Variants in NCOA2 observed in about 807,000 individuals in gnomAD.
NCOA2 encodes the protein class E basic helix-loop-helix protein 75.
In NCOA2, 21 loss-of-function variants were observed where a neutral mutation model predicts 145.1. That is an observed-to-expected ratio of 0.14 (90% CI 0.10 to 0.21). The LOEUF is 0.21. Among genes scored for constraint, NCOA2 ranks in the 10% least tolerant of loss-of-function variants. The pLI, the probability that NCOA2 is intolerant of heterozygous loss-of-function variation, is 1.00. For missense variants in NCOA2, 1,472 were observed against 1,837.6 expected, an observed-to-expected ratio of 0.80 and a Z score of 3.64; for synonymous variants, 619 against 637.5, an observed-to-expected ratio of 0.97 and a Z score of 0.44.
At chr8:70,296,882 C>A (rs539738008) in intron 1 of NCOA2, 82 bp from the exon 2 acceptor site, 32 of 152,184 alleles carry the variant, frequency 2.1e-4, no homozygotes, top group African/African-American at 7.5e-4. Context: ...TTTTTATAAC[C>A]GATTTTCAAA....
At chr8:70,385,931 C>T (rs183326355) in intron 1 of NCOA2, among the ~76,000 whole-genome samples, 106 of 152,256 alleles carry the variant, frequency 7.0e-4, no homozygotes, top group African/African-American at 2.5e-3. Context: ...TTGTGGTACA[C>T]AAAACACACA....
chr8:70,212,769 T>A (rs1258931689), intron 4 of NCOA2, among the ~76,000 whole-genome samples: 1 of 152,010 alleles, frequency 6.6e-6, no homozygotes, highest in Non-Finnish European at 1.5e-5. Flanking sequence ...AAATTTGAAC[T>A]CTAAGAGGAT....
At chr8:70,377,653 T>C (rs1013850405) in intron 1 of NCOA2, among the ~76,000 whole-genome samples, 6 of 152,178 alleles carry the variant, frequency 3.9e-5, no homozygotes, top group Admixed American at 1.3e-4. Context: ...ATTCCAGGCA[T>C]TGAATTAAAA....
chr8:70,400,767 A>C lies in NCOA2; in HGVS notation c.-77+2933T>G, dbSNP rs138534046. Reference sequence around the variant, plus strand: ...TTGGGAATTCTCATGGTAAATTTGAAAACACTATATTACAACAGAACACAT... The same window carrying C: ...TTGGGAATTCTCATGGTAAATTTGACAACACTATATTACAACAGAACACAT... On this transcript the variant is annotated intron_variant, in intron 1 of 22. Transcript: ENST00000452400. 1.0e-3 allele frequency among the ~76,000 whole-genome samples: 155 copies of C among 152,310 alleles called. 4 individuals carry two copies. The highest frequency in any genetic ancestry group is 8.0e-3 in the Admixed American group (123 of 15,298).
intron 22 of NCOA2, among the ~76,000 whole-genome samples, chr8:70,117,038 G>A (rs1444349839): frequency 2.0e-5 from 3 of 152,248 alleles, no homozygotes; most frequent in Non-Finnish European, 4.4e-5. Context: ...TTGCTGGGAA[G>A]AGAGAACATC....
intron 4 of NCOA2, among the ~76,000 whole-genome samples, chr8:70,202,296 A>C (rs1170216138): frequency 1.3e-5 from 2 of 152,188 alleles, no homozygotes; most frequent in East Asian, 3.9e-4. Context: ...TGAAAATTTA[A>C]ATGCAGAATT....
intron 1 of NCOA2, among the ~76,000 whole-genome samples, chr8:70,400,892 C>T (rs1362357101): frequency 6.6e-6 from 1 of 152,180 alleles, no homozygotes; most frequent in Non-Finnish European, 1.5e-5. Context: ...AGAAAAGATA[C>T]ACATTTTCCA....
intron 1 of NCOA2, among the ~76,000 whole-genome samples, chr8:70,324,909 A>C (rs1370052985): frequency 6.6e-6 from 1 of 152,228 alleles, no homozygotes; most frequent in Non-Finnish European, 1.5e-5. Flanking sequence ...TTTGAAAAAT[A>C]GAAAAAAAGC....
intron 1 of NCOA2, among the ~76,000 whole-genome samples, chr8:70,306,889 A>G (rs141972183): frequency 6.6e-6 from 1 of 152,280 alleles, no homozygotes; most frequent in Non-Finnish European, 1.5e-5. Context: ...TTAAAAATCC[A>G]TTTTACAGAT....
chr8:70,238,274 T>C (rs1455256165), intron 2 of NCOA2, among the ~76,000 whole-genome samples: 1 of 152,204 alleles, frequency 6.6e-6, no homozygotes, highest in East Asian at 1.9e-4. Context: ...TGACAAAATA[T>C]GCAGTTTAAA....
intron 2 of NCOA2, among the ~76,000 whole-genome samples, chr8:70,250,392 CAAAAAAAAAA>C (rs34008376): frequency 1.2e-3 from 58 of 49,636 alleles, no homozygotes; most frequent in South Asian, 5.6e-3. Flanking sequence ...GACCCTGTCT[CAAAAAAAAAA>C]AAAAAAAAAA....
At chr8:70,225,038 A>G (rs1172173625) in intron 2 of NCOA2, among the ~76,000 whole-genome samples, 10 of 152,150 alleles carry the variant, frequency 6.6e-5, no homozygotes, top group African/African-American at 2.4e-4. Context: ...AGCGGCAGCA[A>G]GAGGACATGA....
At chr8:70,314,678 T>C (rs1040131921) in intron 1 of NCOA2, among the ~76,000 whole-genome samples, 1 of 152,216 alleles carries the variant, frequency 6.6e-6, no homozygotes, top group Non-Finnish European at 1.5e-5. Flanking sequence ...ATGAAAAGGA[T>C]TGTTATTTAA....
chr8:70,449,330 A>G, the NCOA2 span, among the ~76,000 whole-genome samples: 2 of 152,344 alleles, frequency 1.3e-5, no homozygotes, highest in East Asian at 1.9e-4. Context: ...TTTGGGCACT[A>G]TGAGCATTTA....
the NCOA2 span, among the ~76,000 whole-genome samples, chr8:70,422,667 T>G: frequency 6.6e-6 from 1 of 152,222 alleles, no homozygotes; most frequent in South Asian, 2.1e-4. Context: ...CACCTCCCAG[T>G]GTTGCGATTA....
chr8:70,132,220 T>C (rs1243918656), intron 15 of NCOA2, among the ~76,000 whole-genome samples: 2 of 152,214 alleles, frequency 1.3e-5, no homozygotes, highest in Admixed American at 1.3e-4. Context: ...ATTTAAGGTA[T>C]GATTTTTATT....
rs1031745418 is a variant in NCOA2, at chr8:70,141,418, A to C, written c.2813-19T>G. On this transcript the variant is annotated intron_variant, in intron 13 of 22. Coordinates refer to ENST00000452400, the MANE Select transcript of NCOA2 (RefSeq NM_006540.4). The stretch of plus-strand genomic sequence containing the variant: ...ATCATTCCTGCATGCAAGCCAAAGA[A>C]AACTGAGAGATGCAGTAACTGAAAA... The C allele has an allele frequency of 8.1e-6, 13 of 1,603,516 alleles. No homozygotes were observed. The highest frequency in any genetic ancestry group is 1.1e-5 in the Non-Finnish European group (13 of 1,171,650).
chr8:70,222,528 A>G (rs1345798912), intron 2 of NCOA2, among the ~76,000 whole-genome samples: 3 of 152,200 alleles, frequency 2.0e-5, no homozygotes, highest in African/African-American at 4.8e-5. Context: ...TAATGGCCTT[A>G]AAGTGGTATA....
chr8:70,350,798 G>A (rs2130810889), intron 1 of NCOA2, among the ~76,000 whole-genome samples: 1 of 152,226 alleles, frequency 6.6e-6, no homozygotes, highest in East Asian at 1.9e-4. Flanking sequence ...AATATAGCAA[G>A]ACAAGCTGAC....
Sources: gnomAD v4.1 joint callset for allele counts (sites outside exome capture counted in the v4.1 genomes callset) on GRCh38, gnomAD v4.1.1 for gene constraint, MANE v1.5 for transcripts, NCBI Gene and HGNC (gene_info 2026-07-23, HGNC 2026-07-21) for gene names.